SNX13: variants seen among roughly 807,000 people sequenced by gnomAD.
SNX13 encodes sorting nexin-13.
Under a neutral mutation model 133.6 loss-of-function variants are expected in SNX13, and 45 were observed. The observed-to-expected ratio is 0.34, with a 90% CI of 0.27 to 0.43. The LOEUF is 0.43. Among genes scored for constraint, SNX13 ranks in the 20% least tolerant of loss-of-function variants. The pLI is 1.00. For synonymous variants in SNX13, 414 were observed against 373.9 expected (o/e 1.11, Z -1.24); for missense variants, 1,032 against 1,145.1 (o/e 0.90, Z 1.43).
chr7:17,866,589 G>A (rs1484065214), intron 9 of SNX13, among the ~76,000 whole-genome samples: 2 of 152,074 alleles, frequency 1.3e-5, no homozygotes, highest in Admixed American at 1.3e-4. Flanking sequence ...TATTGACTGA[G>A]GGACATTATG....
chr7:17,803,282 C>G (rs916010218), intron 21 of SNX13, 137 bp downstream of exon 21: 17 of 737,120 alleles, frequency 2.3e-5, no homozygotes, highest in Non-Finnish European at 3.3e-5. Flanking sequence ...GTTCTTTATT[C>G]TTTATGAGAC....
chr7:17,807,379 G>T (rs1318029047), intron 20 of SNX13, among the ~76,000 whole-genome samples: 1 of 152,124 alleles, frequency 6.6e-6, no homozygotes, highest in Non-Finnish European at 1.5e-5. Flanking sequence ...ACTGGGCGGA[G>T]CCCACCACAA....
chr7:17,888,591 A>T (rs1796272390), intron 5 of SNX13: 2 of 438,282 alleles, frequency 4.6e-6, no homozygotes, highest in Non-Finnish European at 9.3e-6. Flanking sequence ...CATCAGTAAA[A>T]TTATGGGTGT....
chr7:17,801,781 C>A, intron 21 of SNX13, 122 bp from the exon 22 acceptor site: 2 of 588,866 alleles, frequency 3.4e-6, no homozygotes, highest in South Asian at 7.2e-5. Flanking sequence ...ATATATAAGC[C>A]AAATTTAACA....
chr7:17,793,925 A>G lies in SNX13; in HGVS notation c.*120T>C. On this transcript the variant is annotated 3_prime_UTR_variant, in exon 26 of 26. Coordinates refer to ENST00000428135, the MANE Select transcript of SNX13 (RefSeq NM_015132.5). ...CCACAGACTTATGGATGTATTAATA[A>G]TCTATTTTGAGACACTAAAAGACTG... 1 of 1,057,724 alleles carries G rather than the reference A, an allele frequency of 9.5e-7. No homozygotes were observed. Among genetic ancestry groups the G allele is most frequent in the Non-Finnish European group, 1.3e-6 (1 of 740,832 alleles). 65.5% of individuals were successfully genotyped at this position (1,057,724 alleles called of 1,614,324 possible). A position where few individuals can be genotyped will look rare whatever the true frequency, so the allele number is the denominator to read the frequency against.
chr7:17,890,692 A>T (rs1199352909), intron 4 of SNX13, among the ~76,000 whole-genome samples: 1 of 151,828 alleles, frequency 6.6e-6, no homozygotes, highest in Non-Finnish European at 1.5e-5. Context: ...ATCCCAACTT[A>T]CCTACTGCCT....
intron 21 of SNX13, among the ~76,000 whole-genome samples, chr7:17,802,935 T>C (rs1159771310): frequency 1.3e-5 from 2 of 152,106 alleles, no homozygotes; most frequent in African/African-American, 2.4e-5. Context: ...CAGAGGTCTA[T>C]ACCCAGTAAC....
intron 1 of SNX13, chr7:17,898,398 G>A (rs909381755): frequency 6.6e-6 from 1 of 152,108 alleles, no homozygotes; most frequent in Non-Finnish European, 1.5e-5. Context: ...AAAAACTACA[G>A]AACAGACAGT....
chr7:17,852,402 G>A (rs1791334268), intron 9 of SNX13, among the ~76,000 whole-genome samples: 1 of 151,926 alleles, frequency 6.6e-6, no homozygotes, highest in South Asian at 2.1e-4. Flanking sequence ...AAAAGAGAGG[G>A]GAGGGGAGAA....
At chr7:17,903,870 C>G (rs140096009) in intron 1 of SNX13, among the ~76,000 whole-genome samples, 2 of 152,130 alleles carry the variant, frequency 1.3e-5, no homozygotes, top group African/African-American at 4.8e-5. Flanking sequence ...TAATAAATTC[C>G]TGGTCTGAAA....
intron 1 of SNX13, among the ~76,000 whole-genome samples, chr7:17,915,463 T>TGCGGTAAAGTCAACC (rs1799448532): frequency 6.6e-6 from 1 of 152,210 alleles, no homozygotes; most frequent in African/African-American, 2.4e-5. Flanking sequence ...GTCAATGATA[T>TGCGGTAAAGTCAACC]GCGGTAAAGT....
intron 8 of SNX13, among the ~76,000 whole-genome samples, chr7:17,869,928 G>C (rs1478293204): frequency 6.6e-6 from 1 of 151,606 alleles, no homozygotes; most frequent in Non-Finnish European, 1.5e-5. Flanking sequence ...CTTTTCAAAA[G>C]GAGAAAAAAA....
At chr7:17,919,681 C>T (rs1421426513) in intron 1 of SNX13, among the ~76,000 whole-genome samples, 2 of 152,160 alleles carry the variant, frequency 1.3e-5, no homozygotes, top group African/African-American at 4.8e-5. Flanking sequence ...TCCACCTAAA[C>T]ATCAGATAAG....
intron 3 of SNX13, among the ~76,000 whole-genome samples, chr7:17,892,238 T>TATTAAA: frequency 6.6e-6 from 1 of 152,180 alleles, no homozygotes; most frequent in East Asian, 1.9e-4. Flanking sequence ...TTCAAAGTTA[T>TATTAAA]AATATGAAAC....
At chr7:17,860,117 A>C (rs901749379) in intron 9 of SNX13, among the ~76,000 whole-genome samples, 4 of 152,074 alleles carry the variant, frequency 2.6e-5, no homozygotes, top group African/African-American at 9.7e-5. Context: ...AGTGCACAAG[A>C]GTTTAAATTT....
chr7:17,834,048 T>C lies in SNX13; in HGVS notation c.1597+4A>G. ...TATTATGTGTAAAATGGGTGCCACC[T>C]TACCTCCATCCCCATCATCGGATCC... On this transcript the variant is annotated splice_donor_region_variant and intron_variant, in intron 15 of 25. Transcript: ENST00000428135. The C allele has an allele frequency of 6.5e-7, 1 of 1,542,818 alleles. No homozygotes were observed. Among genetic ancestry groups the C allele is most frequent in the Non-Finnish European group, 8.8e-7 (1 of 1,138,348 alleles).
At chr7:17,876,845 T>C (rs1046967425) in intron 5 of SNX13, among the ~76,000 whole-genome samples, 15 of 151,974 alleles carry the variant, frequency 9.9e-5, no homozygotes, top group African/African-American at 3.4e-4. Flanking sequence ...GATTTTTTAA[T>C]ATAATGTTCT....
At chr7:17,830,161 TAAAAAA>T (rs367739163) in intron 15 of SNX13, 114 bp from the exon 16 acceptor site, 53 of 475,442 alleles carry the variant, frequency 1.1e-4, no homozygotes, top group Non-Finnish European at 1.2e-4. Context: ...AACATAATAG[TAAAAAA>T]AAAAAAAAAA....
intron 21 of SNX13, among the ~76,000 whole-genome samples, chr7:17,802,164 T>C (rs986864948): frequency 2.0e-5 from 3 of 152,086 alleles, no homozygotes; most frequent in Admixed American, 6.6e-5. Context: ...CAATACTATA[T>C]AGCCTAGGTG....
Sources: allele counts gnomAD v4.1 joint callset (sites outside exome capture counted in the v4.1 genomes callset), GRCh38; gene constraint gnomAD v4.1.1; transcripts MANE v1.5; gene names NCBI Gene and HGNC (gene_info 2026-07-23, HGNC 2026-07-21).